MYO5C: variants seen among roughly 807,000 people sequenced by gnomAD.
MYO5C encodes the protein myosin VC, also known as unconventional myosin-Vc.
Under a neutral mutation model 235.7 loss-of-function variants are expected in MYO5C, and 194 were observed. That is an observed-to-expected ratio of 0.82 (90% CI 0.73 to 0.93). The LOEUF (loss-of-function observed/expected upper bound fraction) is 0.93. Ranked by LOEUF, MYO5C falls within the 40% of genes least tolerant of loss-of-function variation. MYO5C has a pLI of 0.00. For missense variants in MYO5C, 2,038 were observed against 2,127.2 expected (o/e 0.96, Z 0.82); for synonymous variants, 707 against 754.8 (o/e 0.94, Z 1.04).
At chr15:52,239,487 G>C (rs2036165427) in intron 21 of MYO5C, among the ~76,000 whole-genome samples, 1 of 152,236 alleles carries the variant, frequency 6.6e-6, no homozygotes, top group South Asian at 2.1e-4. Context: ...GGCAAGCGGA[G>C]CCAGGCTGGA....
At chr15:52,285,609 G>C (rs28459428) in intron 1 of MYO5C, among the ~76,000 whole-genome samples, 13,755 of 152,212 alleles carry the variant, frequency 0.09, 708 homozygotes, top group South Asian at 0.14. Context: ...TCAGCCTGCC[G>C]AGTGGCGCGC....
chr15:52,269,837 T>C lies in MYO5C; in HGVS notation c.856A>G (p.Thr286Ala). Reference protein sequence around the residue: ...KLGSAEEFNYTRMGGNTVIEG... With the variant: ...KLGSAEEFNYARMGGNTVIEG... The stretch of plus-strand genomic sequence containing the variant: ...ATGACAGTATTGCCTCCCATTCTTG[T>C]ATAATTAAATTCTTCGGCACTCCCT... Residue 286 changes from threonine to alanine, a missense_variant, in exon 8 of 41, where the codon ACA (threonine) becomes GCA (alanine). By Grantham distance (58) the Thr-to-Ala change is moderately conservative. Coordinates refer to ENST00000261839, the MANE Select transcript of MYO5C (RefSeq NM_018728.4). The C allele has an allele frequency of 1.2e-6, 2 of 1,613,418 alleles. No individual in the cohort carries two copies. The highest frequency in any genetic ancestry group is 1.7e-6 in the Non-Finnish European group (2 of 1,179,392).
chr15:52,272,500 A>G, intron 6 of MYO5C, 80 bp downstream of exon 6: 4 of 1,368,142 alleles, frequency 2.9e-6, no homozygotes, highest in Non-Finnish European at 4.1e-6. Flanking sequence ...AGCATAGTGT[A>G]GCTTGCCTGA....
Position 52,204,931 on chromosome 15 carries a change from G to A in MYO5C, c.4754C>T (p.Ala1585Val), listed in dbSNP as rs2035270933. 3.1e-6 allele frequency: 5 copies of A among 1,614,078 alleles called. No individual in the cohort carries two copies. The highest frequency in any genetic ancestry group is 3.4e-6 in the Non-Finnish European group (4 of 1,180,042). ...AVKQLFFLIG[A>V]VTLNSLFLRK... ...CAGGAAGAGGCTGTTCAGCGTGACC[G>A]CCCCGATCAAGAAGAAGAGCTGCTT... The change falls in exon 38 of 41, where the codon GCG becomes GTG. Residue 1585 changes from alanine to valine, a missense_variant. Physicochemically the swap from Ala to Val is moderately conservative, Grantham distance 64. Coordinates refer to ENST00000261839, the MANE Select transcript of MYO5C (RefSeq NM_018728.4).
At chr15:52,256,766 A>G (rs1376138525) in intron 10 of MYO5C, 46 bp from the exon 11 acceptor site, 1 of 1,416,720 alleles carries the variant, frequency 7.1e-7, no homozygotes, top group Non-Finnish European at 1.0e-6. Flanking sequence ...GAAGCAAGAC[A>G]TATGCATTTG....
Position 52,229,929 on chromosome 15 carries a change from C to T in MYO5C, c.3027-616G>A, listed in dbSNP as rs114221249. ...TTGGGGCACTGTATTCCCAACCCCCCGGGTTCCATGCAGTCCCCTGGAAGG... is the reference window on the plus strand; with the variant it reads ...TTGGGGCACTGTATTCCCAACCCCCTGGGTTCCATGCAGTCCCCTGGAAGG... On this transcript the variant is annotated intron_variant, in intron 24 of 40. Transcript: ENST00000261839. 6.1e-3 allele frequency among the ~76,000 whole-genome samples: 926 copies of T among 152,276 alleles called. 14 individuals carry two copies. Among genetic ancestry groups the T allele is most frequent in the African/African-American group, 0.021 (892 of 41,558 alleles).
chr15:52,274,674 C>G (rs890940067), intron 5 of MYO5C, among the ~76,000 whole-genome samples: 1 of 147,668 alleles, frequency 6.8e-6, no homozygotes, highest in Non-Finnish European at 1.5e-5. Flanking sequence ...CTTAGTACCC[C>G]CCCCCCGACA....
At chr15:52,216,678 C>T (rs2035561957) in intron 32 of MYO5C, among the ~76,000 whole-genome samples, 1 of 151,970 alleles carries the variant, frequency 6.6e-6, no homozygotes, top group African/African-American at 2.4e-5. Flanking sequence ...CTCAAAGCAT[C>T]ACATAGTGGT....
Position 52,248,726 on chromosome 15 carries a change from G to A in MYO5C, c.1720C>T (p.Leu574=). The A allele has an allele frequency of 3.1e-6, 5 of 1,613,982 alleles. No individual in the cohort carries two copies. The highest frequency in any genetic ancestry group is 4.2e-6 in the Non-Finnish European group (5 of 1,179,944). Residue 574 remains leucine, a synonymous_variant, in exon 14 of 41, where the codon CTG becomes TTG. Coordinates refer to ENST00000261839, the MANE Select transcript of MYO5C (RefSeq NM_018728.4). ...EKNRDTVYDM[L]VEILRASKFH... is the part of the protein sequence containing the mutation. ...TTGCTTGCTCTCAGGATTTCAACCA[G>A]CATGTCATAGACGGTGTCTCTGTTT...
At chr15:52,295,462 GCGCCTCCGCGGC>G in intron 1 of MYO5C, 136 bp downstream of exon 1, 1 of 881,734 alleles carries the variant, frequency 1.1e-6, no homozygotes, top group East Asian at 3.4e-5. Flanking sequence ...CCCCTCCGCG[GCGCCTCCGCGGC>G]CCCCAGCGCG....
At chr15:52,284,393 C>CT (rs1413087244) in intron 1 of MYO5C, among the ~76,000 whole-genome samples, 1 of 147,738 alleles carries the variant, frequency 6.8e-6, no homozygotes, top group African/African-American at 2.5e-5. Context: ...ACAGCTAAAA[C>CT]TAAAGCATGC....
intron 34 of MYO5C, 140 bp from the exon 35 acceptor site, chr15:52,212,024 G>C: frequency 1.3e-6 from 1 of 786,218 alleles, no homozygotes; most frequent in Non-Finnish European, 1.9e-6. Flanking sequence ...TTTCCTCTTT[G>C]AGGAATTCCA....
chr15:52,211,457 C>CA (rs2035439488), intron 35 of MYO5C, among the ~76,000 whole-genome samples: 1 of 152,210 alleles, frequency 6.6e-6, no homozygotes, highest in Admixed American at 6.5e-5. Context: ...CTATACCCCT[C>CA]ACAGCTGATA....
At chr15:52,281,169 G>C (rs1190723260) in intron 2 of MYO5C, among the ~76,000 whole-genome samples, 3 of 152,172 alleles carry the variant, frequency 2.0e-5, no homozygotes, top group Non-Finnish European at 4.4e-5. Context: ...TGTTATGTGT[G>C]AAAGCAACAG....
Position 52,246,948 on chromosome 15 carries a change from T to C in MYO5C, c.1948A>G (p.Ile650Val). The change falls in exon 16 of 41, where the codon ATC becomes GTC. Residue 650 changes from isoleucine to valine, a missense_variant. Physicochemically the swap from Ile to Val is conservative, Grantham distance 29. Coordinates refer to ENST00000261839, the MANE Select transcript of MYO5C (RefSeq NM_018728.4). ...GGTAACTTCTCATCATTTGGCTTGA[T>C]GCATCGAACGTAGTGGGGCGTCGTC... ...NATTPHYVRC[I>V]KPNDEKLPFE... 1 of 1,614,130 alleles carries C rather than the reference T, an allele frequency of 6.2e-7. No homozygotes were observed. Among genetic ancestry groups the C allele is most frequent in the Non-Finnish European group, 8.5e-7 (1 of 1,179,998 alleles).
At chr15:52,260,572 G>A (rs888091197) in intron 10 of MYO5C, among the ~76,000 whole-genome samples, 4 of 152,178 alleles carry the variant, frequency 2.6e-5, no homozygotes, top group African/African-American at 9.7e-5. Flanking sequence ...ATAGTTATAA[G>A]GTTGTTTAAG....
chr15:52,288,914 C>A (rs528080776), intron 1 of MYO5C, among the ~76,000 whole-genome samples: 4 of 152,324 alleles, frequency 2.6e-5, no homozygotes, highest in African/African-American at 4.8e-5. Context: ...CAGCCACCCC[C>A]CCAAGGCACA....
chr15:52,258,120 G>T (rs1347086781), intron 10 of MYO5C, among the ~76,000 whole-genome samples: 1 of 152,172 alleles, frequency 6.6e-6, no homozygotes, highest in Non-Finnish European at 1.5e-5. Context: ...CTGGCAAAAT[G>T]TCAAACATCA....
intron 1 of MYO5C, among the ~76,000 whole-genome samples, chr15:52,287,848 T>C (rs184352715): frequency 6.6e-6 from 1 of 152,236 alleles, no homozygotes; most frequent in Admixed American, 6.5e-5. Context: ...TGGTGGCGCA[T>C]GCCTCTAACC....
Sources: allele counts gnomAD v4.1 joint callset (sites outside exome capture counted in the v4.1 genomes callset), GRCh38; gene constraint gnomAD v4.1.1; transcripts MANE v1.5; gene names NCBI Gene and HGNC (gene_info 2026-07-23, HGNC 2026-07-21).